The following SPAG16 variants were observed in gnomAD, a reference collection of about 807,000 sequenced individuals.
SPAG16 encodes the protein sperm associated antigen 16, also known as sperm-associated antigen 16 protein.
SPAG16 carries 86 observed loss-of-function variants against 80.4 expected under a neutral mutation model. The observed-to-expected ratio is 1.07, with a 90% CI of 0.90 to 1.28. The LOEUF (loss-of-function observed/expected upper bound fraction) is 1.28, where lower values mean the gene tolerates loss of function less well. SPAG16 is among the 50% of genes most tolerant of loss of function. The probability of loss-of-function intolerance (pLI) is 0.00; values close to 1 mark genes in which losing one functional copy is unlikely to be tolerated. For missense variants in SPAG16, 870 were observed against 765.3 expected, an observed-to-expected ratio of 1.14 and a Z score of -1.61; for synonymous variants, 294 against 265.9, an observed-to-expected ratio of 1.11 and a Z score of -1.03.
At chr2:214,021,984 A>G (rs2047891619) in intron 13 of SPAG16, among the ~76,000 whole-genome samples, 1 of 152,024 alleles carries the variant, frequency 6.6e-6, no homozygotes. Flanking sequence ...TCCATCCTTA[A>G]AGGTTCACTT....
At chr2:214,073,711 G>A (rs1386836143) in intron 13 of SPAG16, among the ~76,000 whole-genome samples, 1 of 152,020 alleles carries the variant, frequency 6.6e-6, no homozygotes, top group Non-Finnish European at 1.5e-5. Flanking sequence ...AAATTCTTAT[G>A]GCAATACAAA....
chr2:213,575,643 C>G (rs1444520251), intron 10 of SPAG16, among the ~76,000 whole-genome samples: 1 of 152,076 alleles, frequency 6.6e-6, no homozygotes, highest in Non-Finnish European at 1.5e-5. Context: ...ATGCCAATTT[C>G]TAATTGCTTG....
At chr2:213,436,904 T>A (rs547376552) in intron 9 of SPAG16, among the ~76,000 whole-genome samples, 1 of 152,052 alleles carries the variant, frequency 6.6e-6, no homozygotes, top group East Asian at 1.9e-4. Flanking sequence ...TACGCAAAAA[T>A]GATAAACTCT....
intron 10 of SPAG16, among the ~76,000 whole-genome samples, chr2:213,763,782 G>A (rs964536730): frequency 1.3e-5 from 2 of 152,176 alleles, no homozygotes; most frequent in Admixed American, 6.5e-5. Flanking sequence ...GCCAAGATCT[G>A]GATGACCGTC....
intron 1 of SPAG16, among the ~76,000 whole-genome samples, chr2:213,290,482 G>A (rs1428272729): frequency 6.6e-6 from 1 of 152,174 alleles, no homozygotes; most frequent in Non-Finnish European, 1.5e-5. Context: ...AGATAGGTAA[G>A]AACCAGATAT....
chr2:213,598,694 A>T (rs868580579), intron 10 of SPAG16, among the ~76,000 whole-genome samples: 1 of 152,248 alleles, frequency 6.6e-6, no homozygotes, highest in African/African-American at 2.4e-5. Context: ...AAATAATAAA[A>T]TTGAAATTGC....
chr2:213,588,453 T>G (rs1227582764), intron 10 of SPAG16, among the ~76,000 whole-genome samples: 1 of 127,106 alleles, frequency 7.9e-6, no homozygotes, highest in East Asian at 2.0e-4. Flanking sequence ...TATTTGTGAT[T>G]TTTTTTTTTT....
intron 15 of SPAG16, among the ~76,000 whole-genome samples, chr2:214,180,763 G>T (rs1461173333): frequency 6.6e-6 from 1 of 151,632 alleles, no homozygotes; most frequent in Non-Finnish European, 1.5e-5. Context: ...TCTGATAGTG[G>T]TTCCAGGATT....
chr2:213,821,720 C>T (rs1333132789), intron 10 of SPAG16, among the ~76,000 whole-genome samples: 1 of 152,138 alleles, frequency 6.6e-6, no homozygotes, highest in African/African-American at 2.4e-5. Flanking sequence ...CCCTTCCTAG[C>T]ATCTGGTAAC....
At chr2:213,699,972 C>A (rs75488828) in intron 10 of SPAG16, among the ~76,000 whole-genome samples, 2,138 of 152,246 alleles carry the variant, frequency 0.014, 25 homozygotes, top group South Asian at 0.035. Flanking sequence ...CAGATGATTA[C>A]AGTTGTTAGG....
rs532134296 is a variant in SPAG16 at position 213,394,273 on chromosome 2, A to G, written c.942+19154A>G. 2.6e-5 allele frequency among the ~76,000 whole-genome samples: 4 copies of G among 152,272 alleles called. No individual in the cohort carries two copies. In the South Asian group the frequency reaches 8.3e-4, roughly 32 times the overall value. On this transcript the variant is annotated intron_variant, in intron 9 of 15. Coordinates refer to ENST00000331683, the MANE Select transcript of SPAG16 (RefSeq NM_024532.5). Reference sequence around the variant, plus strand: ...TCATAAACCCAATATAATTATCTAAATCAAGAAATTAACATTGATAAAATA... The same window carrying G: ...TCATAAACCCAATATAATTATCTAAGTCAAGAAATTAACATTGATAAAATA...
chr2:213,749,078 C>T (rs912685912), intron 10 of SPAG16, among the ~76,000 whole-genome samples: 30 of 151,940 alleles, frequency 2.0e-4, no homozygotes, highest in African/African-American at 6.8e-4. Context: ...ACCCGGGAGG[C>T]GGAGGTTGCA....
intron 15 of SPAG16, among the ~76,000 whole-genome samples, chr2:214,279,585 C>A (rs1186623869): frequency 6.6e-6 from 1 of 152,088 alleles, no homozygotes; most frequent in Non-Finnish European, 1.5e-5. Context: ...CAGAATAGAG[C>A]TCTGGAGAGG....
intron 10 of SPAG16, among the ~76,000 whole-genome samples, chr2:213,637,919 G>A (rs1323255659): frequency 1.3e-5 from 2 of 152,066 alleles, no homozygotes; most frequent in Non-Finnish European, 2.9e-5. Flanking sequence ...ACCACGCCCA[G>A]CTAATTTTTT....
rs998676303 is a variant in SPAG16, at chr2:214,351,567, G to A, written c.1721-58573G>A. 5.9e-5 allele frequency among the ~76,000 whole-genome samples: 9 copies of A among 152,148 alleles called. No homozygotes were observed. The South Asian group carries it at 1.7e-3, about 28-fold the overall frequency. The stretch of plus-strand genomic sequence containing the variant: ...AAATACAAAAAATTAGCCGGGCGTG[G>A]TGGCAGGTGCCTGTAGTCCCAGATG... On this transcript the variant is annotated intron_variant, in intron 15 of 15. Transcript: ENST00000331683.
intron 15 of SPAG16, among the ~76,000 whole-genome samples, chr2:214,326,149 A>C (rs1272545255): frequency 1.3e-5 from 2 of 152,240 alleles, no homozygotes; most frequent in East Asian, 3.8e-4. Flanking sequence ...AAGGATCTTG[A>C]GATGGGATCA....
intron 10 of SPAG16, among the ~76,000 whole-genome samples, chr2:213,769,426 C>A (rs1298887424): frequency 6.6e-6 from 1 of 152,200 alleles, no homozygotes; most frequent in East Asian, 1.9e-4. Context: ...GTAGTGCCAA[C>A]AGCATATCTT....
chr2:214,173,668 C>G (rs2056964640), intron 15 of SPAG16, among the ~76,000 whole-genome samples: 1 of 151,908 alleles, frequency 6.6e-6, no homozygotes, highest in South Asian at 2.1e-4. Flanking sequence ...TGGTACCATT[C>G]CTTCTGAAAC....
intron 10 of SPAG16, among the ~76,000 whole-genome samples, chr2:213,705,342 A>G (rs546869326): frequency 1.2e-4 from 18 of 152,180 alleles, no homozygotes; most frequent in Non-Finnish European, 2.2e-4. Context: ...TAATTGATTT[A>G]AAGTGTCACA....
Sources: gnomAD v4.1 joint callset for allele counts (sites outside exome capture counted in the v4.1 genomes callset) on GRCh38, gnomAD v4.1.1 for gene constraint, MANE v1.5 for transcripts, NCBI Gene and HGNC (gene_info 2026-07-23, HGNC 2026-07-21) for gene names.